SCAMP1: variants seen among roughly 807,000 people sequenced by gnomAD.
SCAMP1 encodes secretory carrier membrane protein 1, also known as secretory carrier-associated membrane protein 1.
SCAMP1 carries 15 observed loss-of-function variants against 41.8 expected under a neutral mutation model. That is an observed-to-expected ratio of 0.36 (90% CI 0.24 to 0.55). The LOEUF is 0.55. Ranked by LOEUF, SCAMP1 falls within the 20% of genes least tolerant of loss-of-function variation. SCAMP1 has a pLI of 0.86. For missense variants in SCAMP1, 341 were observed against 412.6 expected (o/e 0.83, Z 1.50); for synonymous variants, 135 against 136.8 (o/e 0.99, Z 0.09).
chr5:78,415,861 A>C (rs1355254689), intron 3 of SCAMP1, among the ~76,000 whole-genome samples: 2 of 152,132 alleles, frequency 1.3e-5, no homozygotes, highest in East Asian at 3.9e-4. Context: ...CAGTGGATAA[A>C]TTTTTATTGC....
intron 7 of SCAMP1, among the ~76,000 whole-genome samples, chr5:78,458,362 G>A (rs7714728): frequency 0.015 from 2,214 of 152,256 alleles, 55 homozygotes; most frequent in African/African-American, 0.051. Flanking sequence ...CCTAATAGGT[G>A]TGTAGTGATA....
chr5:78,369,749 A>G (rs1750897443), intron 1 of SCAMP1, among the ~76,000 whole-genome samples: 3 of 152,214 alleles, frequency 2.0e-5, no homozygotes. Flanking sequence ...CATATTGGAT[A>G]TTGGAATTAA....
At chr5:78,389,890 C>G (rs1751442680) in intron 2 of SCAMP1, among the ~76,000 whole-genome samples, 1 of 152,192 alleles carries the variant, frequency 6.6e-6, no homozygotes. Flanking sequence ...TTCTATTTGG[C>G]TGTTCCTGAG....
intron 6 of SCAMP1, among the ~76,000 whole-genome samples, chr5:78,443,649 T>TTTGC (rs1272554678): frequency 4.5e-4 from 63 of 138,754 alleles, no homozygotes; most frequent in African/African-American, 1.6e-3. Context: ...AGTGAGTGGT[T>TTTGC]TTGCTTTTTT....
chr5:78,431,446 A>T (rs777047051), intron 6 of SCAMP1, among the ~76,000 whole-genome samples: 39 of 151,116 alleles, frequency 2.6e-4, no homozygotes, highest in Non-Finnish European at 2.4e-4. Context: ...TAATATAATT[A>T]CTTATCTGCT....
chr5:78,480,727 C>T lies in SCAMP1; in HGVS notation c.*5059C>T, dbSNP rs1754124383. Among the ~76,000 whole-genome samples, 1 of 151,918 alleles carries T rather than the reference C, an allele frequency of 6.6e-6. No homozygotes were observed. The highest frequency in any genetic ancestry group is 2.4e-5 in the African/African-American group (1 of 41,366). ...ATACATGAGAAAATAAAAATAAATC[C>T]TTAATTCTGTCATCTTGGGGTACCT... On this transcript the variant is annotated 3_prime_UTR_variant, in exon 9 of 9. Transcript: ENST00000621999.
chr5:78,462,196 AGT>A (rs58331355), intron 8 of SCAMP1, among the ~76,000 whole-genome samples: 9,364 of 147,866 alleles, frequency 0.063, 775 homozygotes, highest in African/African-American at 0.19. Flanking sequence ...TGTGTGTAGG[AGT>A]GTGTGTGTGT....
intron 6 of SCAMP1, among the ~76,000 whole-genome samples, chr5:78,444,989 T>C (rs989716820): frequency 1.3e-5 from 2 of 152,238 alleles, no homozygotes; most frequent in African/African-American, 4.8e-5. Flanking sequence ...TGTAAATTCA[T>C]GTTCTCTTAT....
intron 2 of SCAMP1, among the ~76,000 whole-genome samples, chr5:78,391,241 G>A (rs1316667445): frequency 5.3e-5 from 8 of 149,632 alleles, no homozygotes; most frequent in South Asian, 4.2e-4. Flanking sequence ...GGGCAGAGGC[G>A]CCCCTCACCT....
intron 6 of SCAMP1, among the ~76,000 whole-genome samples, chr5:78,430,215 A>G (rs1752579951): frequency 9.1e-6 from 1 of 109,492 alleles, no homozygotes; most frequent in African/African-American, 4.4e-5. Context: ...ATTTATAAAT[A>G]CAGTATTTAT....
chr5:78,393,217 C>G (rs1448235926), intron 2 of SCAMP1, among the ~76,000 whole-genome samples: 1 of 152,152 alleles, frequency 6.6e-6, no homozygotes, highest in African/African-American at 2.4e-5. Context: ...CACTCTGTTG[C>G]CCAGGCTGAA....
intron 6 of SCAMP1, among the ~76,000 whole-genome samples, chr5:78,447,065 T>G (rs1177539642): frequency 6.6e-6 from 1 of 152,222 alleles, no homozygotes; most frequent in Non-Finnish European, 1.5e-5. Flanking sequence ...CAAACCCTAT[T>G]GTGAACTGCG....
chr5:78,404,412 G>T (rs1309527695), intron 2 of SCAMP1, among the ~76,000 whole-genome samples: 2 of 138,308 alleles, frequency 1.4e-5, no homozygotes, highest in African/African-American at 5.6e-5. Context: ...CTCCCAAAGT[G>T]TCGGGATTAT....
At chr5:78,453,207 A>G (rs1289216828) in intron 7 of SCAMP1, among the ~76,000 whole-genome samples, 5 of 151,282 alleles carry the variant, frequency 3.3e-5, no homozygotes, top group Non-Finnish European at 5.9e-5. Flanking sequence ...CCATTTGTCA[A>G]TTTTGGCTTT....
chr5:78,448,289 C>CT (rs1336322924), intron 6 of SCAMP1, among the ~76,000 whole-genome samples: 1 of 148,416 alleles, frequency 6.7e-6, no homozygotes. Context: ...GCCTCAATGT[C>CT]TAAATAGCTG....
At chr5:78,420,284 A>G (rs181643647) in intron 5 of SCAMP1, among the ~76,000 whole-genome samples, 10 of 152,322 alleles carry the variant, frequency 6.6e-5, no homozygotes, top group Admixed American at 5.2e-4. Context: ...AATTATACAT[A>G]TATTTTATCT....
chr5:78,445,829 T>A (rs1753039321), intron 6 of SCAMP1, among the ~76,000 whole-genome samples: 1 of 152,226 alleles, frequency 6.6e-6, no homozygotes, highest in African/African-American at 2.4e-5. Context: ...TTGCAGTAAT[T>A]TGGACAGCTC....
chr5:78,391,109 C>G lies in SCAMP1; in HGVS notation c.135+2195C>G, dbSNP rs1580657880. On this transcript the variant is annotated intron_variant, in intron 2 of 8. Coordinates refer to ENST00000621999, the MANE Select transcript of SCAMP1 (RefSeq NM_004866.6). Reference sequence around the variant, plus strand: ...CTCAATCTTTTCCCCACCTTTCCCCCCTTTCCACTCCACAAAACCGCCATT... The same window carrying G: ...CTCAATCTTTTCCCCACCTTTCCCCGCTTTCCACTCCACAAAACCGCCATT... Among the ~76,000 whole-genome samples, 4 of 47,404 alleles carry G rather than the reference C, an allele frequency of 8.4e-5. No homozygotes were observed. The South Asian group carries it at 1.4e-3, about 17-fold the overall frequency. 31.1% of individuals were successfully genotyped at this position (47,404 alleles called of 152,430 possible).
chr5:78,443,979 C>G (rs1161260552), intron 6 of SCAMP1, among the ~76,000 whole-genome samples: 1 of 152,052 alleles, frequency 6.6e-6, no homozygotes, highest in East Asian at 1.9e-4. Context: ...AAGAGATAGA[C>G]TCTATTATAA....
Sources: gnomAD v4.1 joint callset for allele counts (sites outside exome capture counted in the v4.1 genomes callset) on GRCh38, gnomAD v4.1.1 for gene constraint, MANE v1.5 for transcripts, NCBI Gene and HGNC (gene_info 2026-07-23, HGNC 2026-07-21) for gene names.